ZDHHC9: variants seen among roughly 807,000 people sequenced by gnomAD.
The protein encoded by ZDHHC9 is palmitoyltransferase ZDHHC9.
A neutral mutation model predicts 26.6 loss-of-function variants in ZDHHC9; 3 were observed. The observed-to-expected ratio is 0.11, with a 90% CI of 0.05 to 0.29. ZDHHC9 has a LOEUF of 0.29. Among genes scored for constraint, ZDHHC9 ranks in the 10% least tolerant of loss-of-function variants. ZDHHC9 has a pLI of 1.00. For synonymous variants in ZDHHC9, 111 were observed against 109.4 expected, an observed-to-expected ratio of 1.01 and a Z score of -0.09; for missense variants, 146 against 296.4, an observed-to-expected ratio of 0.49 and a Z score of 3.73.
intron 9 of ZDHHC9, 99 bp from the exon 10 acceptor site, chrX:129,811,100 T>C: frequency 1.4e-6 from 1 of 737,926 alleles, no homozygotes; most frequent in South Asian, 2.2e-5. Context: ...TATAAACCTG[T>C]CCTTTGGCAA....
chrX:129,818,614 G>T (rs780006368), intron 5 of ZDHHC9, among the ~76,000 whole-genome samples: 3 of 112,231 alleles, frequency 2.7e-5, no homozygotes, highest in Non-Finnish European at 5.6e-5. Context: ...AGAACCATAT[G>T]ATGGATTATG....
chrX:129,807,454 G>GA (rs779819713), intron 10 of ZDHHC9, among the ~76,000 whole-genome samples: 385 of 27,371 alleles, frequency 0.014, 3 homozygotes, highest in African/African-American at 0.027. Flanking sequence ...CTCCGTCTCA[G>GA]AAAAAAAAAA....
chrX:129,826,490 A>G (rs1928019404), intron 4 of ZDHHC9, among the ~76,000 whole-genome samples: 1 of 111,876 alleles, frequency 8.9e-6, no homozygotes, highest in African/African-American at 3.3e-5. Flanking sequence ...CTTGAGTCTG[A>G]GCCCCAGGCC....
intron 5 of ZDHHC9, among the ~76,000 whole-genome samples, chrX:129,821,595 C>A (rs1324781224): frequency 1.8e-5 from 2 of 108,148 alleles, no homozygotes; most frequent in Non-Finnish European, 3.8e-5. Context: ...CTGGCCAGAC[C>A]TTCTTTAAAT....
At position 129,842,083 on chromosome X, in the gene ZDHHC9, A is replaced by G; in HGVS notation, c.-135-3T>C. The G allele has an allele frequency of 1.3e-6, 1 of 760,074 alleles. No homozygotes were observed. The highest frequency in any genetic ancestry group is 2.0e-6 in the Non-Finnish European group (1 of 509,374). The allele number at this position is 760,074 out of a possible 1,213,427, so 62.6% of individuals were successfully genotyped here. Reference sequence around the variant, plus strand: ...CATCAAAAGTCCAATTGCTAGCCCTAAGAAAAAGCAGAAAAAGAAAAAAAA... The same window carrying G: ...CATCAAAAGTCCAATTGCTAGCCCTGAGAAAAAGCAGAAAAAGAAAAAAAA... On this transcript the variant is annotated splice_region_variant and splice_polypyrimidine_tract_variant and intron_variant, in intron 2 of 10. Transcript: ENST00000357166.
chrX:129,817,608 T>G (rs772002944), intron 5 of ZDHHC9, among the ~76,000 whole-genome samples: 11 of 111,715 alleles, frequency 9.8e-5, no homozygotes, highest in Non-Finnish European at 1.3e-4. Context: ...ACAGAAACTC[T>G]GCACCCATTA....
At chrX:129,834,048 C>A (rs1928204574) in intron 3 of ZDHHC9, among the ~76,000 whole-genome samples, 3 of 111,344 alleles carry the variant, frequency 2.7e-5, no homozygotes, top group Admixed American at 1.9e-4. Flanking sequence ...GGAGGTGGGG[C>A]CTTTGGGGGG....
At chrX:129,815,479 T>A (rs1272534719) in intron 5 of ZDHHC9, among the ~76,000 whole-genome samples, 1 of 111,973 alleles carries the variant, frequency 8.9e-6, no homozygotes, top group African/African-American at 3.2e-5. Context: ...TTATTTGTCC[T>A]CTATATGCAG....
At chrX:129,823,871 T>C (rs747799705) in intron 4 of ZDHHC9, 34 bp from the exon 5 acceptor site, 118 of 1,191,831 alleles carry the variant, frequency 9.9e-5, no homozygotes, top group Non-Finnish European at 1.3e-4. Flanking sequence ...ATATCACAGC[T>C]AGCCATCACT....
chrX:129,841,740 G>A, intron 3 of ZDHHC9, 39 bp downstream of exon 3: 2 of 1,210,167 alleles, frequency 1.7e-6, no homozygotes, highest in Middle Eastern at 2.3e-4. Context: ...TGGACCCAAA[G>A]TAACCATAAT....
At chrX:129,808,236 A>T (rs1312749746) in intron 10 of ZDHHC9, among the ~76,000 whole-genome samples, 1 of 112,009 alleles carries the variant, frequency 8.9e-6, no homozygotes, top group East Asian at 2.8e-4. Context: ...TTCATACGGA[A>T]ATTTAAGGCA....
intron 4 of ZDHHC9, among the ~76,000 whole-genome samples, chrX:129,824,609 G>A (rs1018130149): frequency 3.6e-5 from 4 of 111,758 alleles, no homozygotes; most frequent in African/African-American, 9.8e-5. Flanking sequence ...AGTTTTAAAC[G>A]TGTATATTCA....
At chrX:129,812,900 G>A in intron 7 of ZDHHC9, 80 bp from the exon 8 acceptor site, 2 of 678,874 alleles carry the variant, frequency 2.9e-6, no homozygotes, top group Non-Finnish European at 2.4e-6. Flanking sequence ...GCACCAGTCA[G>A]ACCATCTTTA....
At chrX:129,817,031 C>T (rs747095849) in intron 5 of ZDHHC9, among the ~76,000 whole-genome samples, 3 of 110,681 alleles carry the variant, frequency 2.7e-5, no homozygotes, top group East Asian at 5.7e-4. Context: ...TCCGCCACCA[C>T]GCCCAGCTAA....
chrX:129,838,661 C>T (rs374235187), intron 3 of ZDHHC9, among the ~76,000 whole-genome samples: 2 of 108,239 alleles, frequency 1.8e-5, no homozygotes, highest in East Asian at 2.8e-4. Flanking sequence ...GGGCAAGGCC[C>T]TGTCTCAAAA....
intron 3 of ZDHHC9, among the ~76,000 whole-genome samples, chrX:129,833,486 C>A (rs1365385849): frequency 8.9e-6 from 1 of 112,180 alleles, no homozygotes; most frequent in Admixed American, 9.4e-5. Flanking sequence ...AGAATCTAGA[C>A]AGAGAGCTAT....
rs749489279 is a variant in ZDHHC9, at chrX:129,814,921, G to GTTT, written c.488-129_488-127dup. 57 of 557,176 alleles carry GTTT rather than the reference G, an allele frequency of 1.0e-4. 2 individuals are homozygous for GTTT. Among genetic ancestry groups the GTTT allele is most frequent in the African/African-American group, 3.8e-4 (15 of 39,092 alleles). The allele number at this position is 557,176 out of a possible 1,213,427, so 45.9% of individuals were successfully genotyped here. On this transcript the variant is annotated intron_variant, in intron 5 of 10. Transcript: ENST00000357166. ...CTATTTCAGTTGTAAAAAATATAGGGTTTTTTTTTTTTTTTACTTTTTCAA... is the reference window on the plus strand; with the variant it reads ...CTATTTCAGTTGTAAAAAATATAGGGTTTTTTTTTTTTTTTTTTACTTTTTCAA...
At chrX:129,815,890 A>G (rs975722861) in intron 5 of ZDHHC9, among the ~76,000 whole-genome samples, 6 of 111,741 alleles carry the variant, frequency 5.4e-5, no homozygotes, top group Non-Finnish European at 1.1e-4. Flanking sequence ...GAGTAATCTT[A>G]AGTGTCCTCA....
chrX:129,815,931 CTA>C (rs1927747601), intron 5 of ZDHHC9, among the ~76,000 whole-genome samples: 1 of 111,637 alleles, frequency 9.0e-6, no homozygotes, highest in Non-Finnish European at 1.9e-5. Context: ...ACAATGGTAA[CTA>C]TGTGTGGTGA....
Sources: allele counts gnomAD v4.1 joint callset (sites outside exome capture counted in the v4.1 genomes callset), GRCh38; gene constraint gnomAD v4.1.1; transcripts MANE v1.5; gene names NCBI Gene and HGNC (gene_info 2026-07-23, HGNC 2026-07-21).